Variants in PKD1L1 observed in about 807,000 individuals in gnomAD.
PKD1L1 encodes the protein polycystin-1-like protein 1.
PKD1L1 carries 236 observed loss-of-function variants against 323.4 expected under a neutral mutation model. The observed-to-expected ratio is 0.73, with a 90% CI of 0.66 to 0.81. The LOEUF is 0.81. Ranked by LOEUF, PKD1L1 falls within the 40% of genes least tolerant of loss-of-function variation. The pLI is 0.00. For synonymous variants in PKD1L1, 1,344 were observed against 1,335.0 expected (o/e 1.01, Z -0.15); for missense variants, 3,320 against 3,508.0 (o/e 0.95, Z 1.35).
rs1787178194 is a variant in PKD1L1, at chr7:47,905,240, C to T, written c.1608G>A (p.Leu536=). The T allele has an allele frequency of 6.2e-7, 1 of 1,613,968 alleles. No individual in the cohort carries two copies. The highest frequency in any genetic ancestry group is 1.7e-5 in the Admixed American group (1 of 60,008). ...FTAVTKETIP[L]EFEWYFGEDP... is the part of the protein sequence containing the mutation. ...CCTCTCCAAAATACCACTCAAATTCCAGGGGTATTGTTTCCTTGGTAACAG... is the reference window on the plus strand; with the variant it reads ...CCTCTCCAAAATACCACTCAAATTCTAGGGGTATTGTTTCCTTGGTAACAG... The change falls in exon 11 of 57, where the codon CTG becomes CTA. Residue 536 remains leucine (L), a synonymous_variant. Transcript: ENST00000289672.
intron 7 of PKD1L1, among the ~76,000 whole-genome samples, chr7:47,918,961 T>C (rs1787484125): frequency 6.6e-6 from 1 of 151,670 alleles, no homozygotes; most frequent in South Asian, 2.1e-4. Context: ...CTCAAGGAAC[T>C]AGAGAAACAA....
chr7:47,951,613 G>A (rs901644460), upstream of PKD1L1, among the ~76,000 whole-genome samples: 6 of 152,186 alleles, frequency 3.9e-5, no homozygotes, highest in Non-Finnish European at 7.3e-5. Context: ...AAGGCACAGA[G>A]CTGCAGTTTA....
chr7:47,799,644 G>A (rs947204904), intron 54 of PKD1L1, among the ~76,000 whole-genome samples: 5 of 152,190 alleles, frequency 3.3e-5, no homozygotes, highest in Non-Finnish European at 5.9e-5. Context: ...GGTGCTGGGA[G>A]AGCTTCTAGA....
At chr7:47,913,880 A>G (rs1163978169) in intron 8 of PKD1L1, among the ~76,000 whole-genome samples, 1 of 152,266 alleles carries the variant, frequency 6.6e-6, no homozygotes. Flanking sequence ...CATACAGTAA[A>G]CGAAATTTGG....
intron 20 of PKD1L1, among the ~76,000 whole-genome samples, chr7:47,881,162 T>G (rs1786545556): frequency 6.6e-6 from 1 of 152,146 alleles, no homozygotes. Flanking sequence ...TTAAGGAATT[T>G]TGAAGCTATT....
At chr7:47,851,106 C>G (rs902319867) in intron 31 of PKD1L1, among the ~76,000 whole-genome samples, 2 of 152,148 alleles carry the variant, frequency 1.3e-5, no homozygotes, top group Non-Finnish European at 1.5e-5. Flanking sequence ...CACACACACA[C>G]AGACGTTAAA....
At position 47,885,699 on chromosome 7, in the gene PKD1L1, G is replaced by A; in HGVS notation, c.3192C>T (p.Asp1064=). 1 of 1,613,172 alleles carries A rather than the reference G, an allele frequency of 6.2e-7. No homozygotes were observed. The highest frequency in any genetic ancestry group is 8.5e-7 in the Non-Finnish European group (1 of 1,179,570). Residue 1064 remains aspartate (D), a synonymous_variant, in exon 18 of 57, where the codon GAC becomes GAT. Transcript: ENST00000289672. ...SERSQPTHSP[D]PHLSDFEAYY... ...AGTGGCACTTACCAGAGAGGTGAGG[G>A]TCAGGGCTGTGGGTGGGCTGACTTC...
intron 7 of PKD1L1, among the ~76,000 whole-genome samples, chr7:47,922,104 G>A (rs561545611): frequency 6.6e-5 from 10 of 152,326 alleles, no homozygotes; most frequent in Non-Finnish European, 1.5e-4. Context: ...GGTGGAGACG[G>A]GGTTTTGCCG....
chr7:47,813,458 A>AACAT, intron 48 of PKD1L1, 165 bp from the exon 49 acceptor site: 1 of 785,314 alleles, frequency 1.3e-6, no homozygotes, highest in Non-Finnish European at 2.2e-6. Flanking sequence ...TGGTCTACAG[A>AACAT]CTCTAGCTCA....
chr7:47,826,375 C>T (rs6947216), intron 45 of PKD1L1, among the ~76,000 whole-genome samples: 60,646 of 151,900 alleles, frequency 0.4, 12,597 homozygotes, highest in East Asian at 0.63. Flanking sequence ...GATTAAAAAA[C>T]TTGGCCACTG....
chr7:47,922,123 G>A (rs560136152), intron 7 of PKD1L1, among the ~76,000 whole-genome samples: 1 of 152,184 alleles, frequency 6.6e-6, no homozygotes, highest in Non-Finnish European at 1.5e-5. Flanking sequence ...CGTGTTGGCC[G>A]GGCTGGTCTC....
rs142759699 is a variant in PKD1L1, at chr7:47,909,389, C to T, written c.1229-1139G>A. 1.3e-3 allele frequency among the ~76,000 whole-genome samples: 203 copies of T among 152,268 alleles called. 1 individual carries two copies. The highest frequency in any genetic ancestry group is 4.8e-3 in the African/African-American group (198 of 41,552). On this transcript the variant is annotated intron_variant, in intron 8 of 56. Transcript: ENST00000289672. Reference sequence around the variant, plus strand: ...AACCAGGCTCCACTGCTCAGACGGCCGGTCTCCATCACAAATATGCCCCTG... The same window carrying T: ...AACCAGGCTCCACTGCTCAGACGGCTGGTCTCCATCACAAATATGCCCCTG...
chr7:47,832,083 C>T lies in PKD1L1; in HGVS notation c.6338-731G>A, dbSNP rs117862453. 2.0e-4 allele frequency among the ~76,000 whole-genome samples: 31 copies of T among 152,346 alleles called. 1 individual carries two copies. In the East Asian group the frequency reaches 5.2e-3, roughly 26 times the overall value. The stretch of plus-strand genomic sequence containing the variant: ...GGATGCCATGTCAACCTAGGGCAAT[C>T]GAGTACAACACCTTTCAACAACTAA... On this transcript the variant is annotated intron_variant, in intron 41 of 56. Transcript: ENST00000289672.
At chr7:47,953,829 C>T in the PKD1L1 span, among the ~76,000 whole-genome samples, 1 of 152,178 alleles carries the variant, frequency 6.6e-6, no homozygotes, top group Non-Finnish European at 1.5e-5. Flanking sequence ...TATTTGCAAA[C>T]AGTGAAAGAA....
rs143048854 is a variant in PKD1L1 at position 47,839,650 on chromosome 7, T to C, written c.5565A>G (p.Gln1855=). The C allele has an allele frequency of 3.8e-4, 598 of 1,569,020 alleles. 8 individuals are homozygous for C. The South Asian group carries it at 4.0e-3, about 11-fold the overall frequency. Residue 1855 remains glutamine (Q), a synonymous_variant, in exon 36 of 57, where the codon CAA becomes CAG. Transcript: ENST00000289672. The surrounding 1 kb of genome is among the most constrained non-coding windows in gnomAD (Gnocchi z 4.3). ...RHTFILSAPA[Q]LGLLRKIRLW... is the part of the protein sequence containing the mutation. Reference sequence around the variant, plus strand: ...GGCGGATCTTCCTCAGCAGGCCCAGTTGGGCAGGAGCGCTGGAGGCACACA... The same window carrying C: ...GGCGGATCTTCCTCAGCAGGCCCAGCTGGGCAGGAGCGCTGGAGGCACACA...
chr7:47,945,204 A>C (rs1788070592), intron 1 of PKD1L1, among the ~76,000 whole-genome samples: 1 of 152,172 alleles, frequency 6.6e-6, no homozygotes, highest in South Asian at 2.1e-4. Flanking sequence ...CCAGCTGCTA[A>C]AGGTGTTCGC....
intron 22 of PKD1L1, 38 bp downstream of exon 22, chr7:47,877,450 CG>C (rs769320197): frequency 1.2e-6 from 2 of 1,608,480 alleles, no homozygotes; most frequent in East Asian, 2.2e-5. Flanking sequence ...ATGCCACTGT[CG>C]GGGGTCTCTC....
intron 7 of PKD1L1, among the ~76,000 whole-genome samples, chr7:47,920,000 C>T (rs941021522): frequency 6.6e-6 from 1 of 152,126 alleles, no homozygotes; most frequent in African/African-American, 2.4e-5. Context: ...CAACATAGTA[C>T]TGGAAGTCCT....
In PKD1L1 at chr7:47,794,318, C is replaced by G. The variant is rs890049292; in HGVS notation, c.8356-1521G>C. Among the ~76,000 whole-genome samples, 9 of 152,276 alleles carry G rather than the reference C, an allele frequency of 5.9e-5. No individual in the cohort carries two copies. In the East Asian group the frequency reaches 1.7e-3, roughly 29 times the overall value. ...GTTTAGTGGACTGGGCCCAGGTTCC[C>G]CGTGCTGTGTGCAGCCTAGAGACTT... On this transcript the variant is annotated intron_variant, in intron 55 of 56. Transcript: ENST00000289672.
Sources: allele counts gnomAD v4.1 joint callset (sites outside exome capture counted in the v4.1 genomes callset), GRCh38; gene constraint gnomAD v4.1.1; non-coding constraint Gnocchi (gnomAD v3.1); transcripts MANE v1.5; gene names NCBI Gene and HGNC (gene_info 2026-07-23, HGNC 2026-07-21).